The following DYNC1I2 variants were observed in gnomAD, a reference collection of about 807,000 sequenced individuals.
DYNC1I2 encodes the protein dynein cytoplasmic 1 intermediate chain 2.
DYNC1I2 carries 53 observed loss-of-function variants against 88.6 expected under a neutral mutation model. The observed-to-expected ratio is 0.60, with a 90% CI of 0.48 to 0.75. The LOEUF (loss-of-function observed/expected upper bound fraction) is 0.75. Among genes scored for constraint, DYNC1I2 ranks in the 30% least tolerant of loss-of-function variants. The pLI, the probability that DYNC1I2 is intolerant of heterozygous loss-of-function variation, is 0.00. For missense variants in DYNC1I2, 458 were observed against 766.6 expected (o/e 0.60, Z 4.75); for synonymous variants, 198 against 254.6 (o/e 0.78, Z 2.12).
At chr2:171,710,883 A>G (rs931735233) in intron 5 of DYNC1I2, among the ~76,000 whole-genome samples, 6 of 146,090 alleles carry the variant, frequency 4.1e-5, no homozygotes, top group Admixed American at 6.8e-5. Flanking sequence ...TTTTTTTTTT[A>G]ATGCTTTTAA....
At chr2:171,720,622 T>C (rs1687837036) in intron 7 of DYNC1I2, among the ~76,000 whole-genome samples, 1 of 152,102 alleles carries the variant, frequency 6.6e-6, no homozygotes, top group Admixed American at 6.5e-5. Flanking sequence ...TAATCCCAAC[T>C]ACTTGGGAGG....
intron 3 of DYNC1I2, among the ~76,000 whole-genome samples, chr2:171,704,724 C>T (rs1190544418): frequency 6.6e-6 from 1 of 152,150 alleles, no homozygotes; most frequent in East Asian, 1.9e-4. Flanking sequence ...CTCCTGAATG[C>T]ATGCATTCAT....
chr2:171,696,042 T>C (rs4668408), intron 3 of DYNC1I2, among the ~76,000 whole-genome samples: 148,840 of 152,318 alleles, frequency 0.98, 72,825 homozygotes, highest in Middle Eastern at 1. Context: ...CCATTTACTA[T>C]GATTGAGGTT....
chr2:171,697,684 CAAA>C (rs142133174), intron 3 of DYNC1I2, among the ~76,000 whole-genome samples: 13 of 125,000 alleles, frequency 1.0e-4, no homozygotes, highest in Non-Finnish European at 3.5e-5. Flanking sequence ...CCTGTCTCTA[CAAA>C]AAAAAAAAAA....
chr2:171,699,630 GT>G lies in DYNC1I2; in HGVS notation c.226+6737del, dbSNP rs1367558445. Among the ~76,000 whole-genome samples the G allele has an allele frequency of 6.2e-4, 93 of 150,790 alleles. 1 individual carries two copies. The highest frequency in any genetic ancestry group is 1.9e-4 in the Non-Finnish European group (13 of 67,430). On this transcript the variant is annotated intron_variant, in intron 3 of 17. Coordinates refer to ENST00000397119, the MANE Select transcript of DYNC1I2 (RefSeq NM_001378.3). Reference sequence around the variant, plus strand: ...TGTGTGTGTGTGTGTGTGTGTGTGTGTGTGGCGGCGGGCGGGGGTGCAGTTT... The same window carrying G: ...TGTGTGTGTGTGTGTGTGTGTGTGTGGTGGCGGCGGGCGGGGGTGCAGTTT...
intron 6 of DYNC1I2, among the ~76,000 whole-genome samples, chr2:171,713,786 T>C (rs1687293590): frequency 6.6e-6 from 1 of 152,190 alleles, no homozygotes; most frequent in Admixed American, 6.5e-5. Flanking sequence ...TTGAGGCATG[T>C]AAGAAAAATA....
Position 171,729,878 on chromosome 2 carries a change from A to G in DYNC1I2, c.1536+25A>G, listed in dbSNP as rs771261192. ...GGTATCTAAAATATAGATGTCTGCT[A>G]TTTGCTCAGGTTTCTGACACAAGGT... On this transcript the variant is annotated intron_variant, in intron 15 of 17. Transcript: ENST00000397119. The G allele has an allele frequency of 8.7e-6, 14 of 1,612,262 alleles. No individual in the cohort carries two copies. The Admixed American group carries it at 1.5e-4, about 17-fold the overall frequency.
intron 3 of DYNC1I2, among the ~76,000 whole-genome samples, chr2:171,703,489 A>G (rs1291997786): frequency 1.3e-5 from 2 of 152,080 alleles, no homozygotes; most frequent in East Asian, 1.9e-4. Context: ...CAGTCCCCCA[A>G]AGTGCTGAGA....
At chr2:171,728,200 C>G (rs1248926949) in intron 12 of DYNC1I2, 105 bp from the exon 13 acceptor site, 1 of 746,118 alleles carries the variant, frequency 1.3e-6, no homozygotes. Context: ...AGAATACCCA[C>G]AAGTTATGAG....
intron 7 of DYNC1I2, among the ~76,000 whole-genome samples, chr2:171,717,065 C>T (rs1380459384): frequency 6.6e-6 from 1 of 151,606 alleles, no homozygotes; most frequent in African/African-American, 2.4e-5. Flanking sequence ...CAAAAGGAGG[C>T]AACATTATGA....
At chr2:171,737,738 A>G (rs994493622) in intron 15 of DYNC1I2, among the ~76,000 whole-genome samples, 3 of 151,702 alleles carry the variant, frequency 2.0e-5, no homozygotes, top group Non-Finnish European at 4.4e-5. Context: ...TTTTATTGTA[A>G]TCTTTTACCC....
At chr2:171,706,511 AT>A in intron 3 of DYNC1I2, 35 bp from the exon 4 acceptor site, 1 of 1,586,456 alleles carries the variant, frequency 6.3e-7, no homozygotes, top group Non-Finnish European at 8.6e-7. Context: ...GATTAAGAAT[AT>A]TTTGGGTGTC....
rs1687423057 is a variant in DYNC1I2, at chr2:171,715,462, T to G, written c.511+19T>G. The G allele has an allele frequency of 6.8e-7, 1 of 1,465,966 alleles. No individual in the cohort carries two copies. Among genetic ancestry groups the G allele is most frequent in the East Asian group, 2.4e-5 (1 of 41,112 alleles). The allele number at this position is 1,465,966 out of a possible 1,614,324, so 90.8% of individuals were successfully genotyped here. On this transcript the variant is annotated intron_variant, in intron 7 of 17. Transcript: ENST00000397119. The stretch of plus-strand genomic sequence containing the variant: ...AAAGAAGGTGAATATCTATCCTTAG[T>G]ATAATTGTCATTGAGCACCTATGTT...
intron 17 of DYNC1I2, among the ~76,000 whole-genome samples, chr2:171,747,213 A>G (rs867909181): frequency 5.7e-5 from 8 of 140,914 alleles, no homozygotes; most frequent in Non-Finnish European, 9.2e-5. Context: ...AAAATTATAT[A>G]TATATATATA....
rs752995751 is a variant in DYNC1I2, at chr2:171,726,176, T to A, written c.771-18T>A. On this transcript the variant is annotated intron_variant, in intron 9 of 17. Coordinates refer to ENST00000397119, the MANE Select transcript of DYNC1I2 (RefSeq NM_001378.3). ...GTTATAACACCATCTTTTTGGGGGG[T>A]TTGGTCTTTTTTTGTAGAGAGATTC... 6.3e-7 allele frequency: 1 copy of A among 1,596,850 alleles called. No homozygotes were observed. The highest frequency in any genetic ancestry group is 8.5e-7 in the Non-Finnish European group (1 of 1,173,022).
chr2:171,725,964 A>G lies in DYNC1I2; in HGVS notation c.653A>G (p.His218Arg), dbSNP rs1688224413. ...LTEEEKQQIL[H>R]SEEFLSFFDH... ...GAAGAAGAAAAGCAACAAATCTTGC[A>G]CTCTGAGGAATTTTTAAGTTTCTTT... The change falls in exon 9 of 18, where the codon CAC becomes CGC. Residue 218 changes from histidine (H) to arginine (R), a missense_variant. His to Arg is a conservative substitution (Grantham distance 29). Coordinates refer to ENST00000397119, the MANE Select transcript of DYNC1I2 (RefSeq NM_001378.3). The G allele has an allele frequency of 1.3e-6, 2 of 1,591,360 alleles. No homozygotes were observed. Among genetic ancestry groups the G allele is most frequent in the Non-Finnish European group, 8.5e-7 (1 of 1,173,958 alleles).
chr2:171,736,883 G>A (rs1689045976), intron 15 of DYNC1I2, among the ~76,000 whole-genome samples: 3 of 152,084 alleles, frequency 2.0e-5, no homozygotes, highest in South Asian at 2.1e-4. Context: ...TTATCTTCAC[G>A]TGTTTAATGT....
At chr2:171,718,353 G>T (rs547728893) in intron 7 of DYNC1I2, among the ~76,000 whole-genome samples, 170 of 152,306 alleles carry the variant, frequency 1.1e-3, no homozygotes, top group African/African-American at 3.5e-3. Flanking sequence ...AGTACAGAAA[G>T]GATATAGAGA....
intron 15 of DYNC1I2, among the ~76,000 whole-genome samples, chr2:171,740,533 A>G (rs1689350749): frequency 6.6e-6 from 1 of 152,146 alleles, no homozygotes; most frequent in Admixed American, 6.5e-5. Context: ...AATGTGGGTG[A>G]TCAAATGATT....
Sources: gnomAD v4.1 joint callset for allele counts (sites outside exome capture counted in the v4.1 genomes callset) on GRCh38, gnomAD v4.1.1 for gene constraint, MANE v1.5 for transcripts, NCBI Gene and HGNC (gene_info 2026-07-23, HGNC 2026-07-21) for gene names.